GSK3B: variants seen among roughly 807,000 people sequenced by gnomAD.
GSK3B encodes glycogen synthase kinase-3 beta.
Under a neutral mutation model 56.4 loss-of-function variants are expected in GSK3B, and 15 were observed. That is an observed-to-expected ratio of 0.27 (90% CI 0.18 to 0.41). The LOEUF (loss-of-function observed/expected upper bound fraction) is 0.41. GSK3B is among the 10% of genes least tolerant of loss of function. The pLI, the probability that GSK3B is intolerant of heterozygous loss-of-function variation, is 1.00. For synonymous variants in GSK3B, 181 were observed against 188.9 expected, an observed-to-expected ratio of 0.96 and a Z score of 0.34; for missense variants, 300 against 513.4, an observed-to-expected ratio of 0.58 and a Z score of 4.02.
At chr3:119,954,357 AAGAAT>A (rs2057191563) in intron 2 of GSK3B, among the ~76,000 whole-genome samples, 1 of 152,310 alleles carries the variant, frequency 6.6e-6, no homozygotes, top group Admixed American at 6.5e-5. Flanking sequence ...ATGGAGGAAT[AAGAAT>A]AGAATAGAAT....
intron 1 of GSK3B, among the ~76,000 whole-genome samples, chr3:120,062,858 C>G (rs905501485): frequency 6.6e-5 from 10 of 152,014 alleles, no homozygotes; most frequent in African/African-American, 2.4e-4. Context: ...TAAGTTTGAG[C>G]CTACAGAGAA....
At chr3:119,874,670 T>C (rs1051083894) in intron 8 of GSK3B, among the ~76,000 whole-genome samples, 1 of 138,748 alleles carries the variant, frequency 7.2e-6, no homozygotes, top group Non-Finnish European at 1.6e-5. Flanking sequence ...AAAAAAAGAA[T>C]TTTTCCCTTT....
At chr3:120,057,282 G>A (rs903494960) in intron 1 of GSK3B, among the ~76,000 whole-genome samples, 15 of 151,964 alleles carry the variant, frequency 9.9e-5, no homozygotes, top group African/African-American at 1.7e-4. Context: ...AAAACAGGTC[G>A]CCAGATAAAT....
At chr3:119,958,952 A>G (rs2057243075) in intron 2 of GSK3B, among the ~76,000 whole-genome samples, 1 of 152,142 alleles carries the variant, frequency 6.6e-6, no homozygotes, top group South Asian at 2.1e-4. Context: ...CAGCCTATAT[A>G]TCCCCTGGAA....
In GSK3B at chr3:120,088,634, C is replaced by CCA. The variant is rs549196554; in HGVS notation, c.88+4711_88+4712dup. 4.3e-3 allele frequency among the ~76,000 whole-genome samples: 657 copies of CCA among 152,050 alleles called. 1 individual carries two copies. The highest frequency in any genetic ancestry group is 0.015 in the African/African-American group (613 of 41,480). Reference sequence around the variant, plus strand: ...AAACTCCCCTTCCACCACCACCACCCCACACACACACACAAAAAATCAGCT... The same window carrying CCA: ...AAACTCCCCTTCCACCACCACCACCCCACACACACACACACAAAAAATCAGCT... On this transcript the variant is annotated intron_variant, in intron 1 of 10. Transcript: ENST00000264235.
intron 9 of GSK3B, among the ~76,000 whole-genome samples, chr3:119,852,816 G>T (rs2055957323): frequency 6.6e-6 from 1 of 152,148 alleles, no homozygotes; most frequent in African/African-American, 2.4e-5. Flanking sequence ...GTAGATTCTG[G>T]ATATTAGCCC....
At chr3:120,069,665 G>GA (rs5852231) in intron 1 of GSK3B, among the ~76,000 whole-genome samples, 72,016 of 140,750 alleles carry the variant, frequency 0.51, 19,863 homozygotes, top group African/African-American at 0.76. Context: ...ACAGTTTTTG[G>GA]AAAAAAAAAA....
chr3:119,833,813 C>T (rs956451614), intron 10 of GSK3B, among the ~76,000 whole-genome samples: 4 of 150,622 alleles, frequency 2.7e-5, no homozygotes, highest in African/African-American at 4.9e-5. Flanking sequence ...CTCCTGGCTT[C>T]CCGAGTAGCT....
In GSK3B at chr3:119,827,608, A is replaced by AAAT. The variant is rs1553721502; in HGVS notation, c.1196-754_1196-753insATT. The stretch of plus-strand genomic sequence containing the variant: ...TTTAAAAAAAAAAAAAAAAAAAAAA[A>AAAT]AGAGAGAGAGAGAGAAGAAAGAAAA... On this transcript the variant is annotated intron_variant, in intron 10 of 10. Transcript: ENST00000264235. Among the ~76,000 whole-genome samples the AAAT allele has an allele frequency of 5.4e-3, 508 of 94,550 alleles. 28 individuals are homozygous for AAAT. The highest frequency in any genetic ancestry group is 0.013 in the South Asian group (39 of 3,108). 62.0% of individuals were successfully genotyped at this position (94,550 alleles called of 152,430 possible).
intron 2 of GSK3B, among the ~76,000 whole-genome samples, chr3:119,970,275 T>C (rs991489741): frequency 5.3e-5 from 8 of 152,138 alleles, no homozygotes; most frequent in Non-Finnish European, 8.8e-5. Context: ...TCTTTTAAAA[T>C]GGGTAAAAGA....
chr3:119,883,293 AT>A (rs2056399228), intron 7 of GSK3B, among the ~76,000 whole-genome samples: 1 of 152,178 alleles, frequency 6.6e-6, no homozygotes. Flanking sequence ...AGAATATTTT[AT>A]TATGACAAGG....
intron 10 of GSK3B, among the ~76,000 whole-genome samples, chr3:119,827,607 AAAG>A (rs1406065123): frequency 1.7e-3 from 252 of 146,044 alleles, no homozygotes; most frequent in Middle Eastern, 3.4e-3. Flanking sequence ...AAAAAAAAAA[AAAG>A]AGAGAGAGAG....
rs530691026 is a variant in GSK3B, at chr3:119,826,665, T to G, written c.*123A>C. ...AGAACAACAATAATAATAAAAAAAT[T>G]GAACACTAAAATGAACAGGATTTTT... On this transcript the variant is annotated 3_prime_UTR_variant, in exon 11 of 11. Transcript: ENST00000264235. 1 of 730,404 alleles carries G rather than the reference T, an allele frequency of 1.4e-6. No individual in the cohort carries two copies. The highest frequency in any genetic ancestry group is 2.6e-5 in the East Asian group (1 of 37,824). 45.2% of individuals were successfully genotyped at this position (730,404 alleles called of 1,614,324 possible).
chr3:120,078,288 T>C (rs2058383501), intron 1 of GSK3B, among the ~76,000 whole-genome samples: 3 of 152,170 alleles, frequency 2.0e-5, no homozygotes, highest in South Asian at 2.1e-4. Context: ...AAATGCATTT[T>C]AGAACAATTT....
chr3:119,973,073 C>G (rs748082337), intron 2 of GSK3B, among the ~76,000 whole-genome samples: 5 of 152,104 alleles, frequency 3.3e-5, no homozygotes, highest in Admixed American at 6.5e-5. Context: ...CTAAGTGAGA[C>G]CTTACTTTGT....
intron 1 of GSK3B, among the ~76,000 whole-genome samples, chr3:120,014,417 G>A (rs979042422): frequency 1.3e-5 from 2 of 152,256 alleles, no homozygotes; most frequent in South Asian, 4.1e-4. Flanking sequence ...ATCAGAGTTA[G>A]AAAATTCAAA....
chr3:120,013,850 T>C (rs1335959251), intron 1 of GSK3B, among the ~76,000 whole-genome samples: 1 of 131,226 alleles, frequency 7.6e-6, no homozygotes, highest in Non-Finnish European at 1.6e-5. Flanking sequence ...AGAAACCACG[T>C]TTAAAAAAAA....
At chr3:120,016,079 G>A (rs2057824482) in intron 1 of GSK3B, among the ~76,000 whole-genome samples, 1 of 152,042 alleles carries the variant, frequency 6.6e-6, no homozygotes, top group African/African-American at 2.4e-5. Flanking sequence ...GCAGCAATTG[G>A]CAAAAACTGG....
intron 4 of GSK3B, among the ~76,000 whole-genome samples, chr3:119,922,970 A>AT (rs2056857911): frequency 6.6e-6 from 1 of 152,226 alleles, no homozygotes; most frequent in Non-Finnish European, 1.5e-5. Flanking sequence ...GATGCTAAAA[A>AT]ATATATAAAT....
Sources: gnomAD v4.1 joint callset for allele counts (sites outside exome capture counted in the v4.1 genomes callset) on GRCh38, gnomAD v4.1.1 for gene constraint, MANE v1.5 for transcripts, NCBI Gene and HGNC (gene_info 2026-07-23, HGNC 2026-07-21) for gene names.